The following CYP4X1 variants were observed in gnomAD, a reference collection of about 807,000 sequenced individuals.
The protein encoded by CYP4X1 is cytochrome P450 4X1.
Under a neutral mutation model 57.9 loss-of-function variants are expected in CYP4X1, and 44 were observed. The ratio of observed to expected loss-of-function variants is 0.76; its 90% confidence interval spans 0.60 to 0.98. The LOEUF is 0.98. Among genes scored for constraint, CYP4X1 ranks in the 50% least tolerant of loss-of-function variants. The pLI, the probability that CYP4X1 is intolerant of heterozygous loss-of-function variation, is 0.00. For missense variants in CYP4X1, 532 were observed against 623.9 expected, an observed-to-expected ratio of 0.85 and a Z score of 1.57; for synonymous variants, 227 against 228.6, an observed-to-expected ratio of 0.99 and a Z score of 0.06.
the CYP4X1 span, among the ~76,000 whole-genome samples, chr1:47,016,381 G>A: frequency 0.096 from 13,841 of 144,800 alleles, 809 homozygotes; most frequent in African/African-American, 0.18. Flanking sequence ...TTGCTCTGTT[G>A]CCCAGGCTGC....
chr1:46,996,413 A>G, the CYP4X1 span, among the ~76,000 whole-genome samples: 527 of 152,324 alleles, frequency 3.5e-3, 2 homozygotes, highest in African/African-American at 0.012. Flanking sequence ...TAGCAGGATG[A>G]GGTGTCAGGT....
chr1:47,030,448 T>C (rs984426347), intron 2 of CYP4X1, among the ~76,000 whole-genome samples: 14 of 152,034 alleles, frequency 9.2e-5, no homozygotes, highest in African/African-American at 3.4e-4. Flanking sequence ...CACTTCCCAC[T>C]CCTACCCCTG....
chr1:47,014,982 G>GT, the CYP4X1 span, among the ~76,000 whole-genome samples: 1 of 152,174 alleles, frequency 6.6e-6, no homozygotes, highest in Non-Finnish European at 1.5e-5. Context: ...GTTAGGGGTA[G>GT]TCTTTTTTGT....
the CYP4X1 span, among the ~76,000 whole-genome samples, chr1:46,971,989 T>C: frequency 6.6e-6 from 1 of 152,236 alleles, no homozygotes; most frequent in Non-Finnish European, 1.5e-5. Flanking sequence ...TTTTAGAGTC[T>C]TCATCATAAA....
At chr1:47,053,835 T>G (rs1644374600), downstream of CYP4X1, among the ~76,000 whole-genome samples, 1 of 152,272 alleles carries the variant, frequency 6.6e-6, no homozygotes, top group African/African-American at 2.4e-5. Context: ...GTCAGATGAG[T>G]AGGTTGCAAA....
At chr1:47,012,032 C>G in the CYP4X1 span, among the ~76,000 whole-genome samples, 1 of 152,120 alleles carries the variant, frequency 6.6e-6, no homozygotes, top group Non-Finnish European at 1.5e-5. Flanking sequence ...CTAGAAATAC[C>G]ATTTGACCCT....
At chr1:47,004,662 G>A in the CYP4X1 span, among the ~76,000 whole-genome samples, 583 of 151,916 alleles carry the variant, frequency 3.8e-3, 1 homozygote, top group African/African-American at 0.013. Flanking sequence ...GTAGCTCCTT[G>A]GAAATTGAGG....
chr1:46,997,721 C>T, the CYP4X1 span, among the ~76,000 whole-genome samples: 1 of 152,176 alleles, frequency 6.6e-6, no homozygotes, highest in Non-Finnish European at 1.5e-5. Context: ...AGATACCTAG[C>T]AGCGGGATTG....
chr1:47,022,283 CTTTTTTTTT>C (rs11352280), upstream of CYP4X1, among the ~76,000 whole-genome samples: 1 of 77,312 alleles, frequency 1.3e-5, no homozygotes, highest in Non-Finnish European at 2.4e-5. Context: ...TGGGGCCTGT[CTTTTTTTTT>C]TTTTTTTTTT....
At chr1:47,032,947 A>G (rs1644139460) in intron 3 of CYP4X1, among the ~76,000 whole-genome samples, 1 of 152,206 alleles carries the variant, frequency 6.6e-6, no homozygotes, top group South Asian at 2.1e-4. Flanking sequence ...CAGTTACTAC[A>G]TAGGTAGTAA....
At chr1:47,027,651 A>T (rs898637284) in intron 1 of CYP4X1, among the ~76,000 whole-genome samples, 37 of 152,192 alleles carry the variant, frequency 2.4e-4, no homozygotes, top group Non-Finnish European at 4.1e-4. Context: ...GTATAGGGAA[A>T]ATTCCCTACA....
chr1:46,981,515 C>T, the CYP4X1 span, among the ~76,000 whole-genome samples: 6 of 152,130 alleles, frequency 3.9e-5, no homozygotes, highest in Non-Finnish European at 1.5e-5. Flanking sequence ...GAAATAGGAA[C>T]ACTTTTACAC....
At chr1:46,968,164 G>A in the CYP4X1 span, among the ~76,000 whole-genome samples, 1 of 152,118 alleles carries the variant, frequency 6.6e-6, no homozygotes, top group Non-Finnish European at 1.5e-5. Context: ...GTGGATGGAT[G>A]GTCCTCAGCT....
chr1:46,967,499 C>T, the CYP4X1 span, among the ~76,000 whole-genome samples: 1 of 151,976 alleles, frequency 6.6e-6, no homozygotes, highest in Non-Finnish European at 1.5e-5. Flanking sequence ...GGTAGAGCAG[C>T]AGATACAGAG....
At chr1:46,982,428 T>A in the CYP4X1 span, among the ~76,000 whole-genome samples, 1 of 152,220 alleles carries the variant, frequency 6.6e-6, no homozygotes, top group South Asian at 2.1e-4. Flanking sequence ...GTCATTTGGA[T>A]GTAGCGAGAC....
chr1:47,036,745 TA>T (rs1644187929), intron 6 of CYP4X1, among the ~76,000 whole-genome samples: 1 of 152,174 alleles, frequency 6.6e-6, no homozygotes, highest in African/African-American at 2.4e-5. Flanking sequence ...GTAAGTTACT[TA>T]CTGCTTTGTT....
In CYP4X1 at chr1:47,046,566, A is replaced by G; in HGVS notation, c.1173A>G (p.Pro391=). ...CCATTTCCAGAGATCTCAGCAAGCC[A>G]CTTACCTTCCCAGATGGATGCACAT... The part of the protein sequence containing the change: ...VPSISRDLSK[P]LTFPDGCTLP... Residue 391 remains proline, a synonymous_variant, in exon 9 of 12, where the codon CCA becomes CCG. Transcript: ENST00000371901. The G allele has an allele frequency of 6.2e-7, 1 of 1,614,126 alleles. No homozygotes were observed. Among genetic ancestry groups the G allele is most frequent in the Non-Finnish European group, 8.5e-7 (1 of 1,180,030 alleles).
At chr1:46,997,421 T>G in the CYP4X1 span, among the ~76,000 whole-genome samples, 1 of 152,218 alleles carries the variant, frequency 6.6e-6, no homozygotes, top group African/African-American at 2.4e-5. Context: ...TCCATCTTTA[T>G]GTTCATGTGT....
At chr1:47,024,233 G>A (rs1184279296) in intron 1 of CYP4X1, among the ~76,000 whole-genome samples, 1 of 152,188 alleles carries the variant, frequency 6.6e-6, no homozygotes, top group Non-Finnish European at 1.5e-5. Context: ...CTGGGAGAGA[G>A]CTATTTAAAG....
Sources: allele counts gnomAD v4.1 joint callset (sites outside exome capture counted in the v4.1 genomes callset), GRCh38; gene constraint gnomAD v4.1.1; transcripts MANE v1.5; gene names NCBI Gene and HGNC (gene_info 2026-07-23, HGNC 2026-07-21).